RNF111: variants seen among roughly 807,000 people sequenced by gnomAD.
RNF111 encodes the protein E3 ubiquitin-protein ligase Arkadia.
A neutral mutation model predicts 95.1 loss-of-function variants in RNF111; 17 were observed. The ratio of observed to expected loss-of-function variants is 0.18; its 90% CI spans 0.12 to 0.27. The LOEUF is 0.27. RNF111 is among the 10% of genes least tolerant of loss of function. The probability of loss-of-function intolerance (pLI) is 1.00; values close to 1 mark genes in which losing one functional copy is unlikely to be tolerated. For synonymous variants in RNF111, 440 were observed against 414.8 expected (o/e 1.06, Z -0.74); for missense variants, 1,189 against 1,210.4 (o/e 0.98, Z 0.26).
chr15:59,073,947 T>C (rs536930998), intron 6 of RNF111, among the ~76,000 whole-genome samples: 9 of 152,350 alleles, frequency 5.9e-5, no homozygotes, highest in Admixed American at 3.9e-4. Flanking sequence ...AATCTACTTA[T>C]ACATCATCAG....
At chr15:59,004,638 C>G (rs1415131224) in intron 1 of RNF111, among the ~76,000 whole-genome samples, 2 of 152,162 alleles carry the variant, frequency 1.3e-5, no homozygotes, top group East Asian at 3.8e-4. Context: ...AGAATTTTCA[C>G]TTCACTGTCT....
At chr15:59,039,742 G>C (rs1466325868) in intron 2 of RNF111, among the ~76,000 whole-genome samples, 1 of 151,418 alleles carries the variant, frequency 6.6e-6, no homozygotes, top group Non-Finnish European at 1.5e-5. Context: ...TTTTGAGACG[G>C]AGTCTTGTTC....
At chr15:58,999,178 A>G (rs913726507) in intron 1 of RNF111, among the ~76,000 whole-genome samples, 1 of 152,234 alleles carries the variant, frequency 6.6e-6, no homozygotes, top group Admixed American at 6.5e-5. Flanking sequence ...ACAGCATATC[A>G]TGATAAATGG....
chr15:59,010,624 A>G (rs2039755553), intron 1 of RNF111, among the ~76,000 whole-genome samples: 2 of 151,776 alleles, frequency 1.3e-5, no homozygotes, highest in South Asian at 4.2e-4. Context: ...CTGGTCTTGA[A>G]CTCCTGACAT....
chr15:59,018,006 G>A (rs960446684), intron 1 of RNF111, among the ~76,000 whole-genome samples: 2 of 151,986 alleles, frequency 1.3e-5, no homozygotes, highest in African/African-American at 4.8e-5. Flanking sequence ...TGACCCACCT[G>A]CCTCAGCCTC....
intron 2 of RNF111, among the ~76,000 whole-genome samples, chr15:59,032,489 T>G (rs1377109787): frequency 6.6e-6 from 1 of 152,160 alleles, no homozygotes; most frequent in Non-Finnish European, 1.5e-5. Flanking sequence ...TGATGCAGTC[T>G]TGGTTCACTG....
chr15:59,061,915 C>G (rs1438255069), intron 5 of RNF111, among the ~76,000 whole-genome samples: 2 of 151,562 alleles, frequency 1.3e-5, no homozygotes, highest in African/African-American at 4.9e-5. Context: ...TTTCATAATT[C>G]ATTTTCTTCC....
At chr15:59,058,574 G>A in intron 5 of RNF111, 24 bp downstream of exon 5, 1 of 1,594,826 alleles carries the variant, frequency 6.3e-7, no homozygotes, top group Non-Finnish European at 8.6e-7. Flanking sequence ...TGGGGGAGGG[G>A]AGACTTTTTG....
intron 1 of RNF111, among the ~76,000 whole-genome samples, chr15:59,021,766 C>A (rs1327383834): frequency 6.6e-6 from 1 of 152,160 alleles, no homozygotes; most frequent in Non-Finnish European, 1.5e-5. Flanking sequence ...GTTTATCACT[C>A]AGTATTCATT....
intron 8 of RNF111, among the ~76,000 whole-genome samples, chr15:59,082,613 T>G (rs1208351507): frequency 6.6e-6 from 1 of 152,250 alleles, no homozygotes; most frequent in African/African-American, 2.4e-5. Context: ...GTTTTTCAGT[T>G]ACAAACAAAC....
At chr15:59,062,053 T>TC (rs2042462243) in intron 5 of RNF111, among the ~76,000 whole-genome samples, 1 of 134,762 alleles carries the variant, frequency 7.4e-6, no homozygotes, top group African/African-American at 2.9e-5. Context: ...TTAAACTTCT[T>TC]TTTTTTTTTT....
intron 6 of RNF111, among the ~76,000 whole-genome samples, 166 bp downstream of exon 6, chr15:59,067,249 T>A (rs1483270128): frequency 7.7e-6 from 1 of 130,588 alleles, no homozygotes; most frequent in Non-Finnish European, 1.6e-5. Flanking sequence ...TCCTTTTTTT[T>A]TTTTTAACTC....
At chr15:59,071,273 T>G (rs1363726008) in intron 6 of RNF111, among the ~76,000 whole-genome samples, 10 of 130,462 alleles carry the variant, frequency 7.7e-5, no homozygotes, top group Non-Finnish European at 1.1e-4. Flanking sequence ...CACTCCAGCC[T>G]GGGCAACAGA....
intron 6 of RNF111, among the ~76,000 whole-genome samples, chr15:59,070,958 A>C (rs2042895891): frequency 6.6e-6 from 1 of 152,162 alleles, no homozygotes; most frequent in South Asian, 2.1e-4. Context: ...TCACATTTTG[A>C]AAAGTATGGT....
chr15:59,058,830 A>G (rs1206134846), intron 5 of RNF111: 4 of 381,800 alleles, frequency 1.0e-5, no homozygotes, highest in Non-Finnish European at 1.9e-5. Flanking sequence ...GCAAAAGTAG[A>G]TAAGTTGGAC....
intron 3 of RNF111, among the ~76,000 whole-genome samples, chr15:59,053,389 G>A (rs1310952055): frequency 2.6e-5 from 4 of 152,048 alleles, no homozygotes; most frequent in East Asian, 1.9e-4. Context: ...ATAATCTAAC[G>A]GATGAATCTT....
At chr15:59,015,733 T>A (rs2141595805) in intron 1 of RNF111, among the ~76,000 whole-genome samples, 1 of 152,326 alleles carries the variant, frequency 6.6e-6, no homozygotes, top group African/African-American at 2.4e-5. Context: ...ACCGTCACCC[T>A]GTGCATCCTT....
intron 1 of RNF111, among the ~76,000 whole-genome samples, chr15:59,014,049 C>CT (rs569960263): frequency 1.1e-3 from 163 of 152,236 alleles, no homozygotes; most frequent in Admixed American, 3.1e-3. Context: ...CCATGGCCTC[C>CT]CAACATGCTA....
At chr15:59,001,466 G>T (rs1026587099) in intron 1 of RNF111, among the ~76,000 whole-genome samples, 1 of 152,068 alleles carries the variant, frequency 6.6e-6, no homozygotes, top group Non-Finnish European at 1.5e-5. Flanking sequence ...GTTTAGTGGG[G>T]ATTGGAGGGA....
Sources: gnomAD v4.1 joint callset for allele counts (sites outside exome capture counted in the v4.1 genomes callset) on GRCh38, gnomAD v4.1.1 for gene constraint, MANE v1.5 for transcripts, NCBI Gene and HGNC (gene_info 2026-07-23, HGNC 2026-07-21) for gene names.